The following ST6GALNAC3 variants were observed in gnomAD, a reference collection of about 807,000 sequenced individuals.
The protein encoded by ST6GALNAC3 is ST6 N-acetylgalactosaminide alpha-2,6-sialyltransferase 3, also known as alpha-N-acetylgalactosaminide alpha-2,6-sialyltransferase 3.
In ST6GALNAC3, 25 loss-of-function variants were observed where a neutral mutation model predicts 32.7. The ratio of observed to expected loss-of-function variants is 0.76; its 90% confidence interval spans 0.56 to 1.07. The LOEUF is 1.07. Among genes scored for constraint, ST6GALNAC3 ranks in the 50% least tolerant of loss-of-function variants. ST6GALNAC3 has a pLI of 0.00. For synonymous variants in ST6GALNAC3, 129 were observed against 133.1 expected, an observed-to-expected ratio of 0.97 and a Z score of 0.21; for missense variants, 355 against 382.4, an observed-to-expected ratio of 0.93 and a Z score of 0.60.
intron 3 of ST6GALNAC3, among the ~76,000 whole-genome samples, chr1:76,625,363 A>G (rs1166839075): frequency 2.6e-5 from 4 of 152,048 alleles, no homozygotes; most frequent in Middle Eastern, 3.4e-3. Context: ...TCCTCATCAT[A>G]TAGAAACAAA....
intron 2 of ST6GALNAC3, among the ~76,000 whole-genome samples, chr1:76,351,331 T>G (rs746773898): frequency 2.0e-5 from 3 of 152,182 alleles, no homozygotes; most frequent in Non-Finnish European, 4.4e-5. Context: ...ATATTTCATT[T>G]ATAACATTTT....
intron 1 of ST6GALNAC3, among the ~76,000 whole-genome samples, chr1:76,113,085 C>G (rs577689055): frequency 2.0e-5 from 3 of 152,176 alleles, no homozygotes; most frequent in Non-Finnish European, 4.4e-5. Flanking sequence ...TCTGCCATCC[C>G]GGCACCTCGG....
chr1:76,390,169 T>A (rs560121461), intron 2 of ST6GALNAC3, among the ~76,000 whole-genome samples: 19 of 152,344 alleles, frequency 1.2e-4, no homozygotes, highest in South Asian at 4.1e-4. Flanking sequence ...TTTTGTTTTG[T>A]TTTGGTGAAG....
intron 2 of ST6GALNAC3, among the ~76,000 whole-genome samples, chr1:76,405,733 G>C (rs1265891569): frequency 6.6e-6 from 1 of 151,712 alleles, no homozygotes. Flanking sequence ...TGCCAGTCAG[G>C]GTGAATAACC....
intron 3 of ST6GALNAC3, among the ~76,000 whole-genome samples, chr1:76,605,101 A>AT (rs1315653607): frequency 6.6e-6 from 1 of 152,196 alleles, no homozygotes; most frequent in African/African-American, 2.4e-5. Flanking sequence ...CAGAGACTCT[A>AT]TACAGGTGAT....
At chr1:76,430,384 GC>G (rs1333068667) in intron 3 of ST6GALNAC3, among the ~76,000 whole-genome samples, 1 of 152,048 alleles carries the variant, frequency 6.6e-6, no homozygotes, top group Non-Finnish European at 1.5e-5. Context: ...ATTTTGTCCA[GC>G]AATTTTTCTA....
At chr1:76,124,457 C>T (rs967624427) in intron 1 of ST6GALNAC3, among the ~76,000 whole-genome samples, 1 of 152,154 alleles carries the variant, frequency 6.6e-6, no homozygotes, top group African/African-American at 2.4e-5. Context: ...CCTACCTGAC[C>T]TTGCGCAATG....
chr1:76,513,875 C>T (rs1372718495), intron 3 of ST6GALNAC3, among the ~76,000 whole-genome samples: 3 of 152,078 alleles, frequency 2.0e-5, no homozygotes, highest in Non-Finnish European at 4.4e-5. Flanking sequence ...TCTATCACTT[C>T]CTTAGTTAAG....
chr1:76,527,060 A>G (rs567518726), intron 3 of ST6GALNAC3, among the ~76,000 whole-genome samples: 160 of 152,248 alleles, frequency 1.1e-3, no homozygotes, highest in Non-Finnish European at 1.6e-3. Context: ...AGCTTGAATT[A>G]GACTTGAATT....
At chr1:76,247,480 C>G (rs1657335741) in intron 1 of ST6GALNAC3, among the ~76,000 whole-genome samples, 1 of 152,200 alleles carries the variant, frequency 6.6e-6, no homozygotes, top group African/African-American at 2.4e-5. Context: ...TATCTGTAAG[C>G]CCCTGACTGG....
Position 76,346,512 on chromosome 1 carries a change from C to T in ST6GALNAC3, c.213+32513C>T, listed in dbSNP as rs143381203. Among the ~76,000 whole-genome samples, 21 of 152,318 alleles carry T rather than the reference C, an allele frequency of 1.4e-4. No homozygotes were observed. In the East Asian group the frequency reaches 1.5e-3, roughly 11 times the overall value. ...CAGGACTATAAGGCAGATATAACTG[C>T]GTAAAGCAAAACATAGACTTATAAG... On this transcript the variant is annotated intron_variant, in intron 2 of 4. Transcript: ENST00000328299.
At chr1:76,138,345 A>G (rs1650078141) in intron 1 of ST6GALNAC3, among the ~76,000 whole-genome samples, 1 of 152,134 alleles carries the variant, frequency 6.6e-6, no homozygotes, top group South Asian at 2.1e-4. Context: ...TATTTCCTTG[A>G]AAGTTTTTTT....
intron 1 of ST6GALNAC3, among the ~76,000 whole-genome samples, chr1:76,278,591 C>T (rs1659320616): frequency 6.6e-6 from 1 of 151,184 alleles, no homozygotes; most frequent in Admixed American, 6.6e-5. Context: ...TTTGAGGAAA[C>T]CAAATCCCTG....
At chr1:76,443,730 T>C (rs1368774752) in intron 3 of ST6GALNAC3, among the ~76,000 whole-genome samples, 1 of 152,226 alleles carries the variant, frequency 6.6e-6, no homozygotes, top group Non-Finnish European at 1.5e-5. Context: ...TCTATAAAAA[T>C]TATTTATGAT....
At chr1:76,378,491 G>A (rs560052436) in intron 2 of ST6GALNAC3, among the ~76,000 whole-genome samples, 306 of 152,074 alleles carry the variant, frequency 2.0e-3, no homozygotes, top group Admixed American at 4.3e-3. Flanking sequence ...AGGAAATGCC[G>A]TCTCTAATAA....
intron 1 of ST6GALNAC3, among the ~76,000 whole-genome samples, chr1:76,263,967 G>A (rs1276020638): frequency 1.3e-5 from 2 of 152,156 alleles, no homozygotes; most frequent in East Asian, 3.8e-4. Flanking sequence ...TAAATGTAAC[G>A]GCTGTAATCA....
chr1:76,567,685 G>A (rs191775916), intron 3 of ST6GALNAC3, among the ~76,000 whole-genome samples: 1 of 152,256 alleles, frequency 6.6e-6, no homozygotes, highest in African/African-American at 2.4e-5. Context: ...TGGTACTTAT[G>A]AGAAATAGAT....
intron 3 of ST6GALNAC3, among the ~76,000 whole-genome samples, chr1:76,470,158 T>TG (rs1336521927): frequency 5.3e-5 from 8 of 152,120 alleles, no homozygotes; most frequent in African/African-American, 1.7e-4. Flanking sequence ...AATTTTTTTT[T>TG]AATTTTTCCT....
chr1:76,516,346 C>T (rs1366416670), intron 3 of ST6GALNAC3, among the ~76,000 whole-genome samples: 2 of 151,874 alleles, frequency 1.3e-5, no homozygotes, highest in South Asian at 2.1e-4. Context: ...CTATTGTTTG[C>T]TTTTGATGAG....
Sources: gnomAD v4.1 joint callset for allele counts (sites outside exome capture counted in the v4.1 genomes callset) on GRCh38, gnomAD v4.1.1 for gene constraint, MANE v1.5 for transcripts, NCBI Gene and HGNC (gene_info 2026-07-23, HGNC 2026-07-21) for gene names.